KIF6: variants seen among roughly 807,000 people sequenced by gnomAD.
KIF6 encodes the protein kinesin-like protein KIF6.
In KIF6, 106 loss-of-function variants were observed where a neutral mutation model predicts 112.7. The observed-to-expected ratio is 0.94, with a 90% CI of 0.80 to 1.11. The LOEUF (loss-of-function observed/expected upper bound fraction) is 1.11. Ranked by LOEUF, KIF6 falls within the 50% of genes least tolerant of loss-of-function variation. The probability of loss-of-function intolerance (pLI) is 0.00; values close to 1 mark genes in which losing one functional copy is unlikely to be tolerated. For missense variants in KIF6, 929 were observed against 964.0 expected (o/e 0.96, Z 0.48); for synonymous variants, 339 against 339.9 (o/e 1.00, Z 0.03).
At chr6:39,466,945 C>A (rs1379573636) in intron 13 of KIF6, among the ~76,000 whole-genome samples, 1 of 152,216 alleles carries the variant, frequency 6.6e-6, no homozygotes, top group Non-Finnish European at 1.5e-5. Flanking sequence ...CCCTTCCCAG[C>A]ACCTCACTCA....
chr6:39,342,118 C>T lies in KIF6; in HGVS notation c.2428+1591G>A, dbSNP rs779172804. Among the ~76,000 whole-genome samples, 1 of 152,186 alleles carries T rather than the reference C, an allele frequency of 6.6e-6. No homozygotes were observed. ...TCTAGCTTCCTTCCCACCCTGTGGC[C>T]AAGCAAAGCTTCCCCTTCAGGCTTC... is the stretch of plus-strand genomic sequence containing the variant. On this transcript the variant is annotated intron_variant, in intron 22 of 22. Coordinates refer to ENST00000287152, the MANE Select transcript of KIF6 (RefSeq NM_145027.6). The surrounding 1 kb of genome is among the most constrained non-coding windows in gnomAD (Gnocchi z 4.7).
chr6:39,402,932 G>A (rs146339180), intron 15 of KIF6, among the ~76,000 whole-genome samples: 280 of 152,282 alleles, frequency 1.8e-3, no homozygotes, highest in African/African-American at 6.0e-3. Flanking sequence ...TGACCAAACT[G>A]AGGAAAAGCT....
intron 10 of KIF6, among the ~76,000 whole-genome samples, chr6:39,557,638 T>C (rs1015537983): frequency 9.2e-5 from 14 of 152,052 alleles, no homozygotes; most frequent in African/African-American, 2.4e-5. Context: ...AAAATACATA[T>C]ACAGAGACAA....
chr6:39,556,995 A>G (rs1437378623), intron 10 of KIF6, among the ~76,000 whole-genome samples: 1 of 152,094 alleles, frequency 6.6e-6, no homozygotes, highest in Non-Finnish European at 1.5e-5. Flanking sequence ...CTGTTTCTTT[A>G]GCTGAAATTT....
intron 6 of KIF6, among the ~76,000 whole-genome samples, chr6:39,596,571 G>T (rs1423270079): frequency 6.6e-6 from 1 of 152,060 alleles, no homozygotes; most frequent in Non-Finnish European, 1.5e-5. Flanking sequence ...ATTAACCTTG[G>T]CTTAATGCTT....
intron 13 of KIF6, among the ~76,000 whole-genome samples, chr6:39,523,645 CATATATATATATATATATAT>C (rs56952665): frequency 0.04 from 1,308 of 32,526 alleles, 41 homozygotes; most frequent in Non-Finnish European, 0.067. Context: ...TTAATTCTGC[CATATATATATATATATATAT>C]ATATATATAT....
At chr6:39,577,022 T>C (rs1781009781) in intron 10 of KIF6, among the ~76,000 whole-genome samples, 1 of 152,254 alleles carries the variant, frequency 6.6e-6, no homozygotes. Flanking sequence ...ATATCCCAAG[T>C]TGTTTGAAGA....
intron 3 of KIF6, among the ~76,000 whole-genome samples, chr6:39,709,388 C>T (rs966582057): frequency 6.6e-5 from 10 of 152,266 alleles, no homozygotes; most frequent in African/African-American, 1.7e-4. Context: ...CTAGATTGCT[C>T]GCATGCACAG....
At chr6:39,636,174 TCCCTATCTGTTC>T (rs1784615565) in intron 4 of KIF6, among the ~76,000 whole-genome samples, 1 of 152,002 alleles carries the variant, frequency 6.6e-6, no homozygotes, top group Non-Finnish European at 1.5e-5. Flanking sequence ...GGCTAATAAA[TCCCTATCTGTTC>T]TTCAGTGTAA....
At chr6:39,572,400 C>A (rs973831119) in intron 10 of KIF6, among the ~76,000 whole-genome samples, 7 of 152,136 alleles carry the variant, frequency 4.6e-5, no homozygotes, top group African/African-American at 1.7e-4. Flanking sequence ...TCTAACCCCC[C>A]ACCAAAGCAC....
chr6:39,699,973 C>T (rs1788780769), intron 3 of KIF6, among the ~76,000 whole-genome samples: 2 of 152,108 alleles, frequency 1.3e-5, no homozygotes, highest in Non-Finnish European at 2.9e-5. Flanking sequence ...TTCCAGCTCA[C>T]AAATCATTTT....
chr6:39,388,352 A>C (rs1394894051), intron 15 of KIF6, among the ~76,000 whole-genome samples: 1 of 151,020 alleles, frequency 6.6e-6, no homozygotes, highest in Non-Finnish European at 1.5e-5. Context: ...GGAGCTGCTC[A>C]CGTAAATAAA....
chr6:39,389,707 T>G (rs1022632325), intron 15 of KIF6, among the ~76,000 whole-genome samples: 1 of 152,170 alleles, frequency 6.6e-6, no homozygotes, highest in Non-Finnish European at 1.5e-5. Flanking sequence ...GAAGCAAACC[T>G]CTTTGCTATT....
intron 3 of KIF6, among the ~76,000 whole-genome samples, chr6:39,682,131 G>A (rs577839509): frequency 3.3e-5 from 5 of 152,100 alleles, no homozygotes; most frequent in Non-Finnish European, 7.4e-5. Flanking sequence ...TGTATGAATC[G>A]GGGAGACAGA....
intron 13 of KIF6, among the ~76,000 whole-genome samples, chr6:39,469,614 T>G (rs1020968177): frequency 6.6e-6 from 1 of 152,162 alleles, no homozygotes; most frequent in African/African-American, 2.4e-5. Flanking sequence ...TGCAGGTTTG[T>G]CATATAGGTA....
chr6:39,378,250 C>A lies in KIF6; in HGVS notation c.1861+7372G>T, dbSNP rs1461160980. On this transcript the variant is annotated intron_variant, in intron 16 of 22. Transcript: ENST00000287152. This position sits in a 1 kb window ranked among gnomAD's most constrained non-coding sequence, Gnocchi z 5.0. ...ACATATCCATACCACCAACACACCACACACACACACAAACCCACAAACCAC... is the reference window on the plus strand; with the variant it reads ...ACATATCCATACCACCAACACACCAAACACACACACAAACCCACAAACCAC... 6.6e-6 allele frequency among the ~76,000 whole-genome samples: 1 copy of A among 150,964 alleles called. No individual in the cohort carries two copies. The highest frequency in any genetic ancestry group is 1.5e-5 in the Non-Finnish European group (1 of 67,616).
intron 13 of KIF6, among the ~76,000 whole-genome samples, chr6:39,477,331 C>T (rs557781312): frequency 6.6e-5 from 10 of 151,992 alleles, no homozygotes; most frequent in South Asian, 2.1e-4. Flanking sequence ...TAAATGCATG[C>T]GGATTTTGAT....
intron 19 of KIF6, among the ~76,000 whole-genome samples, chr6:39,347,885 G>GC (rs753536745): frequency 8.5e-5 from 13 of 152,206 alleles, no homozygotes; most frequent in Admixed American, 2.0e-4. Context: ...GCCTGGGGAA[G>GC]CCCCCCCTCA....
At chr6:39,400,769 T>C (rs1295474705) in intron 15 of KIF6, among the ~76,000 whole-genome samples, 1 of 152,240 alleles carries the variant, frequency 6.6e-6, no homozygotes, top group Non-Finnish European at 1.5e-5. Context: ...TTTGTAATCT[T>C]TTCTCTTTGC....
Sources: gnomAD v4.1 joint callset for allele counts (sites outside exome capture counted in the v4.1 genomes callset) on GRCh38, gnomAD v4.1.1 for gene constraint, Gnocchi (gnomAD v3.1) non-coding constraint, MANE v1.5 for transcripts, NCBI Gene and HGNC (gene_info 2026-07-23, HGNC 2026-07-21) for gene names.